TRRAP: variants seen among roughly 807,000 people sequenced by gnomAD.
The protein encoded by TRRAP is transformation/transcription domain associated protein.
Under a neutral mutation model 438.8 loss-of-function variants are expected in TRRAP, and 41 were observed. That is an observed-to-expected ratio of 0.09 (90% confidence interval 0.07 to 0.12). The LOEUF is 0.12. Among genes scored for constraint, TRRAP ranks in the 10% least tolerant of loss-of-function variants. The pLI is 1.00. For missense variants in TRRAP, 3,122 were observed against 5,055.1 expected (o/e 0.62, Z 11.60); for synonymous variants, 1,994 against 1,962.9 (o/e 1.02, Z -0.42).
chr7:99,001,388 GA>G (rs1336450854), intron 67 of TRRAP, among the ~76,000 whole-genome samples: 1 of 152,212 alleles, frequency 6.6e-6, no homozygotes, highest in African/African-American at 2.4e-5. Flanking sequence ...TCTGAGAACG[GA>G]AGAGTCCGAG....
intron 30 of TRRAP, among the ~76,000 whole-genome samples, chr7:98,941,728 T>C (rs1790804305): frequency 6.6e-6 from 1 of 152,110 alleles, no homozygotes; most frequent in Admixed American, 6.6e-5. Flanking sequence ...TTTGAAGAAA[T>C]GTGTATTATT....
At chr7:98,945,301 G>C (rs1291695790) in intron 31 of TRRAP, among the ~76,000 whole-genome samples, 2 of 152,202 alleles carry the variant, frequency 1.3e-5, no homozygotes, top group Non-Finnish European at 2.9e-5. Flanking sequence ...TGATAACCCA[G>C]CTGTCCATTG....
chr7:98,894,569 C>T (rs1367617976), intron 6 of TRRAP, among the ~76,000 whole-genome samples: 1 of 151,238 alleles, frequency 6.6e-6, no homozygotes, highest in Non-Finnish European at 1.5e-5. Context: ...ATCTCAAAAA[C>T]AGGATTTTAT....
At chr7:98,895,882 CT>C in intron 7 of TRRAP, 62 bp downstream of exon 7, 2 of 1,361,734 alleles carry the variant, frequency 1.5e-6, no homozygotes, top group Non-Finnish European at 2.0e-6. Flanking sequence ...TCCAAAAAGA[CT>C]TTAGAACAGT....
At chr7:98,913,137 C>A (rs1789355655) in intron 18 of TRRAP, among the ~76,000 whole-genome samples, 1 of 144,630 alleles carries the variant, frequency 6.9e-6, no homozygotes. Context: ...AGTCACTAAT[C>A]CCGTGTGCCT....
In TRRAP at chr7:98,948,264, T is replaced by C. The variant is rs1554417347; in HGVS notation, c.4592T>C (p.Ile1531Thr). The C allele has an allele frequency of 6.2e-7, 1 of 1,614,210 alleles. No homozygotes were observed. The highest frequency in any genetic ancestry group is 1.7e-5 in the Admixed American group (1 of 60,030). The change falls in exon 34 of 73, where the codon ATC becomes ACC. Residue 1531 changes from isoleucine (I) to threonine (T), a missense_variant. Physicochemically the swap from Ile to Thr is moderately conservative, Grantham distance 89. Coordinates refer to ENST00000456197, the MANE Select transcript of TRRAP (RefSeq NM_001375524.1). The surrounding 1 kb of genome is among the most constrained non-coding windows in gnomAD (Gnocchi z 4.9). ...CSAIINLFHLIPAAPQTLVKP... is the reference protein window; with the variant it reads ...CSAIINLFHLTPAAPQTLVKP... ...GCAATTATAAACCTTTTTCATCTGA[T>C]CCCGGCTGCTCCTCAGACACTGGTG...
In TRRAP at chr7:98,976,719, G is replaced by C. The variant is rs145804670; in HGVS notation, c.8196G>C (p.Pro2732=). The change falls in exon 55 of 73, where the codon CCG becomes CCC. Residue 2732 remains proline, a synonymous_variant. Coordinates refer to ENST00000456197, the MANE Select transcript of TRRAP (RefSeq NM_001375524.1). This position sits in a 1 kb window ranked among gnomAD's most constrained non-coding sequence, Gnocchi z 4.6. ...FEKGLSLQIK[P]KQTTEFYEQE... is the part of the protein sequence containing the mutation. ...AGGGTCTGAGTCTTCAGATTAAGCC[G>C]AAGCAAACAACGGAGTTTTATGAGC... The C allele has an allele frequency of 6.2e-7, 1 of 1,614,018 alleles. No homozygotes were observed. Among genetic ancestry groups the C allele is most frequent in the South Asian group, 1.1e-5 (1 of 91,082 alleles).
At chr7:98,895,328 A>G (rs1464795155) in intron 6 of TRRAP, among the ~76,000 whole-genome samples, 2 of 152,164 alleles carry the variant, frequency 1.3e-5, no homozygotes, top group African/African-American at 2.4e-5. Flanking sequence ...TTACTGTTCA[A>G]ATTATTTCAT....
intron 22 of TRRAP, among the ~76,000 whole-genome samples, chr7:98,926,360 C>G (rs1790047255): frequency 6.6e-6 from 1 of 151,448 alleles, no homozygotes; most frequent in Non-Finnish European, 1.5e-5. Context: ...AAATCAGAAA[C>G]AAAGGGAAAA....
In TRRAP at chr7:98,983,324, A is replaced by G. The variant is rs556419070; in HGVS notation, c.8887A>G (p.Thr2963Ala). 29 of 1,614,094 alleles carry G rather than the reference A, an allele frequency of 1.8e-5. No individual in the cohort carries two copies. Among genetic ancestry groups the G allele is most frequent in the African/African-American group, 2.7e-5 (2 of 74,926 alleles). ...ACAAATCAACGCAGGCTTACAGCCAACCAACCTGGGAAGGAACAACAGCCT... is the reference window on the plus strand; with the variant it reads ...ACAAATCAACGCAGGCTTACAGCCAGCCAACCTGGGAAGGAACAACAGCCT... ...AAQINAGLQPTNLGRNNSLHD... is the reference protein window; with the variant it reads ...AAQINAGLQPANLGRNNSLHD... Residue 2963 changes from threonine to alanine, a missense_variant, in exon 60 of 73, where the codon ACC (threonine) becomes GCC (alanine). Around this residue, in one of 24 missense-constraint regions of TRRAP, gnomAD observed 129 missense variants for 279.2 expected, o/e 0.46. Coordinates refer to ENST00000456197, the MANE Select transcript of TRRAP (RefSeq NM_001375524.1).
In TRRAP at chr7:99,012,420, G is replaced by A. The variant is rs1794471177; in HGVS notation, c.*65G>A. On this transcript the variant is annotated 3_prime_UTR_variant, in exon 73 of 73. Transcript: ENST00000456197. This position sits in a 1 kb window ranked among gnomAD's most constrained non-coding sequence, Gnocchi z 5.9. Reference sequence around the variant, plus strand: ...CGGGCTCTGAGCCCGCAGCTTTTACGACTTCTCCCTGCCTCGTTCCTTATA... The same window carrying A: ...CGGGCTCTGAGCCCGCAGCTTTTACAACTTCTCCCTGCCTCGTTCCTTATA... 3.4e-6 allele frequency: 5 copies of A among 1,490,730 alleles called. No homozygotes were observed. Among genetic ancestry groups the A allele is most frequent in the African/African-American group, 2.8e-5 (2 of 71,390 alleles). The allele number at this position is 1,490,730 out of a possible 1,614,324, so 92.3% of individuals were successfully genotyped here. A position where few individuals can be genotyped will look rare whatever the true frequency, so the allele number is the denominator to read the frequency against.
chr7:98,967,280 T>C (rs548826653), intron 50 of TRRAP, 118 bp downstream of exon 50: 1 of 1,417,476 alleles, frequency 7.1e-7, no homozygotes, highest in Non-Finnish European at 9.6e-7. Context: ...AAATATTCAT[T>C]TAAATGCTAA....
rs1382336237 is a variant in TRRAP at position 98,910,562 on chromosome 7, C to T, written c.1767C>T (p.Tyr589=). The T allele has an allele frequency of 1.2e-6, 2 of 1,613,796 alleles. No homozygotes were observed. The highest frequency in any genetic ancestry group is 4.5e-5 in the East Asian group (2 of 44,894). The change falls in exon 16 of 73, where the codon TAC becomes TAT. Residue 589 remains tyrosine (Y), a synonymous_variant. Coordinates refer to ENST00000456197, the MANE Select transcript of TRRAP (RefSeq NM_001375524.1). ...TACAACCCAAAGAGACACAGATTTACATCAAACTTGTGAAATATGCAATGC... is the reference window on the plus strand; with the variant it reads ...TACAACCCAAAGAGACACAGATTTATATCAAACTTGTGAAATATGCAATGC... ...KQLQPKETQI[Y]IKLVKYAMQA...
intron 27 of TRRAP, 117 bp downstream of exon 27, chr7:98,933,519 A>G: frequency 1.4e-6 from 2 of 1,401,770 alleles, no homozygotes; most frequent in South Asian, 3.1e-5. Flanking sequence ...GGGGACCTGC[A>G]GGTAACCCAC....
rs146265515 is a variant in TRRAP, at chr7:98,901,663, C to T, written c.897+943C>T. Among the ~76,000 whole-genome samples, 239 of 152,294 alleles carry T rather than the reference C, an allele frequency of 1.6e-3. 2 individuals are homozygous for T. Among genetic ancestry groups the T allele is most frequent in the Non-Finnish European group, 1.1e-3 (73 of 68,036 alleles). On this transcript the variant is annotated intron_variant, in intron 11 of 72. Transcript: ENST00000456197. ...TCACTGGTTCAAGCTATTCTTGTGCCTCAGCCACTCGAGTAGCTAGGATTA... is the reference window on the plus strand; with the variant it reads ...TCACTGGTTCAAGCTATTCTTGTGCTTCAGCCACTCGAGTAGCTAGGATTA...
In TRRAP at chr7:98,970,188, A is replaced by G. The variant is rs149937055; in HGVS notation, c.7589A>G (p.Asn2530Ser). 124 of 1,613,912 alleles carry G rather than the reference A, an allele frequency of 7.7e-5. No homozygotes were observed. Among genetic ancestry groups the G allele is most frequent in the Non-Finnish European group, 1.0e-4 (118 of 1,180,012 alleles). ...GGAGCCATGCTCCCGTCCATCACCAACGTCATCAACCTGGCCGATAGCCAC... is the reference window on the plus strand; with the variant it reads ...GGAGCCATGCTCCCGTCCATCACCAGCGTCATCAACCTGGCCGATAGCCAC... The part of the protein sequence containing the change: ...CQGAMLPSIT[N>S]VINLADSHDR... Residue 2530 changes from asparagine to serine, a missense_variant, in exon 52 of 73, where the codon AAC becomes AGC. Coordinates refer to ENST00000456197, the MANE Select transcript of TRRAP (RefSeq NM_001375524.1).
intron 11 of TRRAP, among the ~76,000 whole-genome samples, chr7:98,901,730 G>A (rs797026132): frequency 9.2e-5 from 14 of 152,204 alleles, no homozygotes; most frequent in African/African-American, 3.4e-4. Flanking sequence ...TGTATTTTTT[G>A]TAGAGGTGAG....
chr7:98,965,214 CT>C (rs1318695140), intron 48 of TRRAP, among the ~76,000 whole-genome samples: 1 of 152,256 alleles, frequency 6.6e-6, no homozygotes, highest in African/African-American at 2.4e-5. Flanking sequence ...AATAGTTGGA[CT>C]TTTAGATGCT....
intron 56 of TRRAP, among the ~76,000 whole-genome samples, chr7:98,977,433 A>G (rs1792713641): frequency 6.6e-6 from 1 of 152,218 alleles, no homozygotes; most frequent in South Asian, 2.1e-4. Flanking sequence ...TGCTAGGATT[A>G]CAGGTATGAG....
Sources: gnomAD v4.1 joint callset for allele counts (sites outside exome capture counted in the v4.1 genomes callset) on GRCh38, gnomAD v4.1.1 for gene constraint, gnomAD v4.1.1 regional missense constraint, Gnocchi (gnomAD v3.1) non-coding constraint, MANE v1.5 for transcripts, NCBI Gene and HGNC (gene_info 2026-07-23, HGNC 2026-07-21) for gene names.